SAAL1: variants seen among roughly 807,000 people sequenced by gnomAD.
SAAL1 encodes serum amyloid A like 1, also known as protein SAAL1.
A neutral mutation model predicts 59.8 loss-of-function variants in SAAL1; 42 were observed. The ratio of observed to expected loss-of-function variants is 0.70; its 90% CI spans 0.55 to 0.91. The LOEUF is 0.91. Among genes scored for constraint, SAAL1 ranks in the 40% least tolerant of loss-of-function variants. The pLI is 0.00. For synonymous variants in SAAL1, 191 were observed against 194.3 expected (o/e 0.98, Z 0.14); for missense variants, 542 against 561.1 (o/e 0.97, Z 0.34).
At chr11:18,096,917 G>C (rs1308961872) in intron 2 of SAAL1, 63 bp from the exon 3 acceptor site, 2 of 862,476 alleles carry the variant, frequency 2.3e-6, no homozygotes, top group African/African-American at 1.7e-5. Flanking sequence ...CTAAAGCTCA[G>C]GCAACCATAA....
intron 2 of SAAL1, among the ~76,000 whole-genome samples, chr11:18,097,578 A>T (rs571785556): frequency 6.6e-6 from 1 of 152,320 alleles, no homozygotes; most frequent in East Asian, 1.9e-4. Context: ...AGTGGTTCAC[A>T]CCTGTAATCC....
In SAAL1 at chr11:18,106,058, G is replaced by A; in HGVS notation, c.-17C>T. 1 of 1,588,690 alleles carries A rather than the reference G, an allele frequency of 6.3e-7. No individual in the cohort carries two copies. The highest frequency in any genetic ancestry group is 8.5e-7 in the Non-Finnish European group (1 of 1,173,768). ...GCGGTCCATGACTTTGTCGCGTCCC[G>A]CGCTTGAAGGCCGTGCCGGAAGCTG... On this transcript the variant is annotated 5_prime_UTR_variant, in exon 1 of 12. Transcript: ENST00000524803.
intron 3 of SAAL1, among the ~76,000 whole-genome samples, chr11:18,095,621 C>T (rs1848567046): frequency 6.6e-6 from 1 of 152,142 alleles, no homozygotes; most frequent in South Asian, 2.1e-4. Context: ...TGAAAGTATA[C>T]CTCATAGTAG....
chr11:18,102,953 GGTAA>G (rs967692553), intron 2 of SAAL1, among the ~76,000 whole-genome samples: 3 of 152,136 alleles, frequency 2.0e-5, no homozygotes, highest in African/African-American at 7.2e-5. Flanking sequence ...TCTTTAGGTA[GGTAA>G]GTATCAGAAC....
chr11:18,086,857 T>G lies in SAAL1; in HGVS notation c.1042+9A>C. 6.6e-7 allele frequency: 1 copy of G among 1,522,772 alleles called. No homozygotes were observed. The highest frequency in any genetic ancestry group is 8.9e-7 in the Non-Finnish European group (1 of 1,128,754). The allele number at this position is 1,522,772 out of a possible 1,614,324, so 94.3% of individuals were successfully genotyped here. A position where few individuals can be genotyped will look rare whatever the true frequency, so the allele number is the denominator to read the frequency against. ...GAAAAACAGTATGAGCCTGGGAAAC[T>G]GTACTTGCCTTTTTCTATCTTTAGA... On this transcript the variant is annotated intron_variant, in intron 9 of 11. Coordinates refer to ENST00000524803, the MANE Select transcript of SAAL1 (RefSeq NM_138421.3).
chr11:18,081,475 C>A lies in SAAL1; in HGVS notation c.1268G>T (p.Gly423Val). ...GGAACACTTCTGTTTGCTCAACTGG[C>A]CTTCCTTTACTCCCTGAGCCACCGT... Reference protein sequence around the residue: ...KETVAQGVKEGQLSKQKCSSA... With the variant: ...KETVAQGVKEVQLSKQKCSSA... Residue 423 changes from glycine to valine, a missense_variant, in exon 11 of 12, where the codon GGC (glycine) becomes GTC (valine). By Grantham distance (109) the Gly-to-Val change is moderately radical. Coordinates refer to ENST00000524803, the MANE Select transcript of SAAL1 (RefSeq NM_138421.3). The A allele has an allele frequency of 3.1e-6, 5 of 1,613,996 alleles. No individual in the cohort carries two copies. In the South Asian group the frequency reaches 4.4e-5, roughly 14 times the overall value.
At chr11:18,103,129 G>A (rs944520065) in intron 2 of SAAL1, 104 bp downstream of exon 2, 7 of 771,900 alleles carry the variant, frequency 9.1e-6, no homozygotes, top group African/African-American at 3.4e-5. Flanking sequence ...TTACAGACAG[G>A]AGATAAAGCC....
intron 3 of SAAL1, among the ~76,000 whole-genome samples, chr11:18,094,948 G>C (rs1008820649): frequency 6.6e-6 from 1 of 152,128 alleles, no homozygotes; most frequent in Non-Finnish European, 1.5e-5. Flanking sequence ...TCTCACACTT[G>C]GAGATTCTGC....
At chr11:18,103,384 T>C (rs757742318) in intron 1 of SAAL1, 38 bp from the exon 2 acceptor site, 2 of 1,445,548 alleles carry the variant, frequency 1.4e-6, no homozygotes, top group Non-Finnish European at 1.9e-6. Flanking sequence ...GAATAAAAGT[T>C]GTCTACAATA....
intron 9 of SAAL1, among the ~76,000 whole-genome samples, chr11:18,085,842 T>TG (rs1848458169): frequency 3.9e-5 from 6 of 152,112 alleles, no homozygotes; most frequent in African/African-American, 1.2e-4. Flanking sequence ...GGTAGCCCTC[T>TG]GGGAAAAAAC....
chr11:18,089,208 C>T (rs1848496951), intron 7 of SAAL1, 122 bp downstream of exon 7: 1 of 802,796 alleles, frequency 1.2e-6, no homozygotes, highest in East Asian at 3.0e-5. Flanking sequence ...AGTGAATTAA[C>T]GTAACAAGGA....
intron 3 of SAAL1, among the ~76,000 whole-genome samples, chr11:18,092,761 G>A (rs143521929): frequency 9.2e-4 from 140 of 152,292 alleles, no homozygotes; most frequent in African/African-American, 3.2e-3. Flanking sequence ...ATAAAGGACT[G>A]AGATTAAGGG....
chr11:18,089,413 A>T lies in SAAL1; in HGVS notation c.687T>A (p.Pro229=). ...CAGACTCTTCCTGGGGTTGGTCCAG[A>T]GGCTGAGCAGCCCCATTTCTGACCC... ...LEWVRNGAAQ[P]LDQPQEESEE... is the part of the protein sequence containing the mutation. The change falls in exon 7 of 12, where the codon CCT becomes CCA. Residue 229 remains proline (P), a synonymous_variant. Transcript: ENST00000524803. 6.2e-7 allele frequency: 1 copy of T among 1,611,678 alleles called. No individual in the cohort carries two copies. Among genetic ancestry groups the T allele is most frequent in the Admixed American group, 1.7e-5 (1 of 59,430 alleles).
At chr11:18,094,648 C>T (rs892537399) in intron 3 of SAAL1, among the ~76,000 whole-genome samples, 1 of 151,770 alleles carries the variant, frequency 6.6e-6, no homozygotes, top group Non-Finnish European at 1.5e-5. Context: ...AGTCCATATT[C>T]GGGACAGTAT....
intron 2 of SAAL1, among the ~76,000 whole-genome samples, chr11:18,102,109 CAA>C (rs1379058948): frequency 1.3e-5 from 2 of 152,094 alleles, no homozygotes; most frequent in East Asian, 3.9e-4. Context: ...ACACATCCGT[CAA>C]AGTTTATTGG....
chr11:18,086,693 T>A (rs1056397093), intron 9 of SAAL1, among the ~76,000 whole-genome samples, 173 bp downstream of exon 9: 3 of 151,990 alleles, frequency 2.0e-5, no homozygotes, highest in Middle Eastern at 3.4e-3. Flanking sequence ...ACAGCAAGAC[T>A]CTGTTTCCAA....
intron 2 of SAAL1, among the ~76,000 whole-genome samples, chr11:18,099,127 G>T (rs1848605920): frequency 6.6e-6 from 1 of 152,176 alleles, no homozygotes; most frequent in South Asian, 2.1e-4. Flanking sequence ...AGAGATGGGG[G>T]TCTTGCTATC....
At chr11:18,091,343 T>C (rs557662224) in intron 4 of SAAL1, among the ~76,000 whole-genome samples, 1 of 152,340 alleles carries the variant, frequency 6.6e-6, no homozygotes, top group African/African-American at 2.4e-5. Flanking sequence ...ATTTATAACA[T>C]TTGTTAACAT....
At chr11:18,099,699 G>C (rs903926964) in intron 2 of SAAL1, among the ~76,000 whole-genome samples, 1 of 143,794 alleles carries the variant, frequency 7.0e-6, no homozygotes, top group Non-Finnish European at 1.5e-5. Flanking sequence ...TGGAGTGTCT[G>C]GGGTGGCATC....
Sources: allele counts gnomAD v4.1 joint callset (sites outside exome capture counted in the v4.1 genomes callset), GRCh38; gene constraint gnomAD v4.1.1; transcripts MANE v1.5; gene names NCBI Gene and HGNC (gene_info 2026-07-23, HGNC 2026-07-21).